Variants in LAT2 observed in about 807,000 individuals in gnomAD.
The protein encoded by LAT2 is linker for activation of T cells family member 2.
LAT2 carries 23 observed loss-of-function variants against 43.4 expected under a neutral mutation model. The ratio of observed to expected loss-of-function variants is 0.53; its 90% confidence interval spans 0.38 to 0.75. The LOEUF (loss-of-function observed/expected upper bound fraction) is 0.75, where lower values mean the gene tolerates loss of function less well. Ranked by LOEUF, LAT2 falls within the 30% of genes least tolerant of loss-of-function variation. The pLI, the probability that LAT2 is intolerant of heterozygous loss-of-function variation, is 0.00. For missense variants in LAT2, 284 were observed against 310.2 expected (o/e 0.92, Z 0.64); for synonymous variants, 128 against 123.2 (o/e 1.04, Z -0.26).
chr7:74,225,337 T>C (rs1232417344), intron 13 of LAT2: 2 of 153,168 alleles, frequency 1.3e-5, no homozygotes, highest in African/African-American at 4.8e-5. Context: ...GAGGTTGCGG[T>C]GAGTTAAGAT....
intron 13 of LAT2, among the ~76,000 whole-genome samples, chr7:74,227,974 G>A (rs757131434): frequency 2.0e-5 from 3 of 150,906 alleles, no homozygotes; most frequent in Admixed American, 6.6e-5. Flanking sequence ...TCAGGAGTTC[G>A]AGACCATCCT....
chr7:74,224,914 T>C (rs1265399687), intron 13 of LAT2, 154 bp downstream of exon 13: 1 of 564,628 alleles, frequency 1.8e-6, no homozygotes, highest in East Asian at 3.2e-5. Flanking sequence ...GAGGGCAGCT[T>C]GGCGACTCTG....
intron 4 of LAT2, among the ~76,000 whole-genome samples, chr7:74,218,278 C>T (rs1014781249): frequency 6.6e-6 from 1 of 152,204 alleles, no homozygotes; most frequent in Non-Finnish European, 1.5e-5. Flanking sequence ...CAGGAAGCCA[C>T]GTCTGACTGA....
intron 1 of LAT2, among the ~76,000 whole-genome samples, chr7:74,214,173 T>TAAATATATATATTAAAATATATAA: frequency 9.6e-6 from 1 of 104,640 alleles, no homozygotes; most frequent in African/African-American, 4.4e-5. Context: ...AAAATATATA[T>TAAATATATATATTAAAATATATAA]ATGAAAATAT....
intron 10 of LAT2, among the ~76,000 whole-genome samples, chr7:74,223,395 G>C (rs1802363141): frequency 2.0e-5 from 3 of 152,176 alleles, no homozygotes; most frequent in Non-Finnish European, 4.4e-5. Context: ...GAGGCTGCGG[G>C]GTAGGAAGAT....
At chr7:74,217,285 G>A (rs541197379) in intron 4 of LAT2, among the ~76,000 whole-genome samples, 24 of 152,198 alleles carry the variant, frequency 1.6e-4, no homozygotes, top group African/African-American at 5.8e-4. Context: ...ACAAAAATGA[G>A]CTGGGCGTGG....
chr7:74,214,781 ATATATATATATTT>A (rs1801970788), intron 1 of LAT2, 28 bp from the exon 2 acceptor site: 4 of 84,100 alleles, frequency 4.8e-5, no homozygotes, highest in African/African-American at 2.3e-4. Context: ...ATATAAATAT[ATATATATATATTT>A]TTTTTTTTTT....
intron 12 of LAT2, 137 bp downstream of exon 12, chr7:74,224,334 C>A: frequency 2.0e-6 from 2 of 988,994 alleles, no homozygotes; most frequent in Admixed American, 2.0e-5. Context: ...GCAGGAGCAG[C>A]TGCAGAGACC....
At chr7:74,211,153 C>T (rs1321375271) in intron 1 of LAT2, among the ~76,000 whole-genome samples, 7 of 151,676 alleles carry the variant, frequency 4.6e-5, no homozygotes, top group Non-Finnish European at 8.8e-5. Flanking sequence ...GCCCTGCCGG[C>T]CCCTGGGGGC....
rs1801969372 is a variant in LAT2, at chr7:74,214,776, A to AGT, written c.-218-46_-218-45insGT. The AGT allele has an allele frequency of 6.6e-5, 4 of 60,928 alleles. No individual in the cohort carries two copies. The East Asian group carries it at 1.7e-3, about 26-fold the overall frequency. 3.8% of individuals were successfully genotyped at this position (60,928 alleles called of 1,614,324 possible). On this transcript the variant is annotated intron_variant, in intron 1 of 13. Transcript: ENST00000460943. Reference sequence around the variant, plus strand: ...ATATATATATAAACATATATATATAAATATATATATATATATTTTTTTTTT... The same window carrying AGT: ...ATATATATATAAACATATATATATAAGTATATATATATATATATTTTTTTTTT...
chr7:74,223,958 A>T, intron 11 of LAT2, 60 bp from the exon 12 acceptor site: 1 of 1,560,574 alleles, frequency 6.4e-7, no homozygotes, highest in Non-Finnish European at 8.7e-7. Context: ...AGGCAGCTCT[A>T]TTGGCTCCTG....
intron 4 of LAT2, among the ~76,000 whole-genome samples, chr7:74,219,460 G>A (rs1802178626): frequency 6.6e-6 from 1 of 152,222 alleles, no homozygotes; most frequent in African/African-American, 2.4e-5. Context: ...GGCAGGATGT[G>A]GCCCTGTTGA....
intron 3 of LAT2, among the ~76,000 whole-genome samples, chr7:74,216,372 C>A (rs567419350): frequency 6.6e-6 from 1 of 152,034 alleles, no homozygotes; most frequent in East Asian, 1.9e-4. Context: ...TGAGCAAATA[C>A]CCTTTTTTCT....
chr7:74,215,846 C>T (rs1802018294), intron 2 of LAT2, 101 bp from the exon 3 acceptor site: 7 of 819,440 alleles, frequency 8.5e-6, no homozygotes, highest in Middle Eastern at 2.5e-4. Flanking sequence ...GTGGTGTTTC[C>T]GCAGCCTAGG....
At chr7:74,218,885 C>T (rs543459644) in intron 4 of LAT2, among the ~76,000 whole-genome samples, 34 of 151,268 alleles carry the variant, frequency 2.2e-4, no homozygotes, top group Admixed American at 4.6e-4. Context: ...TTAGTAGAGA[C>T]GGGGTTTTCT....
chr7:74,216,951 C>T, intron 4 of LAT2, 87 bp downstream of exon 4: 1 of 1,139,252 alleles, frequency 8.8e-7, no homozygotes. Flanking sequence ...CCCCATCCTT[C>T]ACCCCTTCAC....
At chr7:74,217,736 A>G (rs953463304) in intron 4 of LAT2, among the ~76,000 whole-genome samples, 1 of 152,188 alleles carries the variant, frequency 6.6e-6, no homozygotes, top group East Asian at 1.9e-4. Flanking sequence ...ACCCAGGCAC[A>G]TGGGCAGTGG....
rs1554715719 is a variant in LAT2 at position 74,224,123 on chromosome 7, A to T, written c.554A>T (p.Glu185Val). 1 of 1,614,056 alleles carries T rather than the reference A, an allele frequency of 6.2e-7. No individual in the cohort carries two copies. The highest frequency in any genetic ancestry group is 8.5e-7 in the Non-Finnish European group (1 of 1,179,982). The change falls in exon 12 of 14, where the codon GAA (glutamate) becomes GTA (valine). Residue 185 changes from glutamate (E) to valine (V), a missense_variant. Coordinates refer to ENST00000460943, the MANE Select transcript of LAT2 (RefSeq NM_032464.3). ...GGTCTCTGTCCCTCTGCCTCCCCGG[A>T]AGAAGATGAGGAATCTGAGGATTAT... is the stretch of plus-strand genomic sequence containing the variant. ...TSGLCPSASPEEDEESEDYQN... is the reference protein window; with the variant it reads ...TSGLCPSASPVEDEESEDYQN...
intron 4 of LAT2, among the ~76,000 whole-genome samples, chr7:74,218,176 C>G (rs1157778399): frequency 2.0e-4 from 31 of 152,192 alleles, no homozygotes; most frequent in African/African-American, 7.2e-4. Flanking sequence ...CTGTGCCTGC[C>G]TCTCCATCTG....
Sources: gnomAD v4.1 joint callset for allele counts (sites outside exome capture counted in the v4.1 genomes callset) on GRCh38, gnomAD v4.1.1 for gene constraint, MANE v1.5 for transcripts, NCBI Gene and HGNC (gene_info 2026-07-23, HGNC 2026-07-21) for gene names.